The following RNF175 variants were observed in gnomAD, a reference collection of about 807,000 sequenced individuals.
RNF175 encodes ring finger protein 175.
Under a neutral mutation model 50.0 loss-of-function variants are expected in RNF175, and 38 were observed. The observed-to-expected ratio is 0.76, with a 90% CI of 0.59 to 1.00. RNF175 has a LOEUF of 1.00. Among genes scored for constraint, RNF175 ranks in the 50% least tolerant of loss-of-function variants. RNF175 has a pLI of 0.00. For synonymous variants in RNF175, 155 were observed against 146.1 expected (o/e 1.06, Z -0.44); for missense variants, 388 against 409.6 (o/e 0.95, Z 0.46).
chr4:153,755,383 C>T (rs1459485889), intron 1 of RNF175, among the ~76,000 whole-genome samples: 3 of 152,212 alleles, frequency 2.0e-5, no homozygotes, highest in Non-Finnish European at 4.4e-5. Flanking sequence ...TGTCTCACCT[C>T]AGACACAAGT....
At chr4:153,758,851 C>T (rs1286800577) in intron 1 of RNF175, among the ~76,000 whole-genome samples, 1 of 152,040 alleles carries the variant, frequency 6.6e-6, no homozygotes, top group Non-Finnish European at 1.5e-5. Context: ...GAGGTCAGAT[C>T]CTGTCCATTC....
intron 6 of RNF175, among the ~76,000 whole-genome samples, chr4:153,718,019 T>G (rs193005391): frequency 6.6e-6 from 1 of 152,206 alleles, no homozygotes; most frequent in Admixed American, 6.5e-5. Context: ...TCAACCACGC[T>G]CCTTCCCTAA....
chr4:153,712,093 C>A (rs930557013), intron 8 of RNF175, among the ~76,000 whole-genome samples: 1 of 152,146 alleles, frequency 6.6e-6, no homozygotes, highest in East Asian at 1.9e-4. Context: ...TTTAAAATTT[C>A]AATTCCAATT....
rs1272804247 is a variant in RNF175, at chr4:153,718,230, G to GTTTTT, written c.630+1953_630+1954insAAAAA. 4.7e-3 allele frequency among the ~76,000 whole-genome samples: 148 copies of GTTTTT among 31,816 alleles called. 2 individuals carry two copies. Among genetic ancestry groups the GTTTTT allele is most frequent in the East Asian group, 0.038 (24 of 634 alleles). 20.9% of individuals were successfully genotyped at this position (31,816 alleles called of 152,430 possible). Reference sequence around the variant, plus strand: ...AGGAGTTTTTTTTGTTTGTTTGTTTGTTTGTTTGTTTTTTTTTTTTTTGAA... The same window carrying GTTTTT: ...AGGAGTTTTTTTTGTTTGTTTGTTTGTTTTTTTTGTTTGTTTTTTTTTTTTTTGAA... On this transcript the variant is annotated intron_variant, in intron 6 of 8. Coordinates refer to ENST00000347063, the MANE Select transcript of RNF175 (RefSeq NM_173662.4).
rs767216377 is a variant in RNF175 at position 153,715,627 on chromosome 4, T to C, written c.666A>G (p.Leu222=). 4.3e-6 allele frequency: 7 copies of C among 1,613,860 alleles called. No individual in the cohort carries two copies. Among genetic ancestry groups the C allele is most frequent in the African/African-American group, 1.3e-5 (1 of 74,926 alleles). The part of the protein sequence containing the change: ...YSVSRLPTRS[L]SDNICAVCGQ... ...CACAGACTGCACAGATATTGTCCGA[T>C]AAGCTCCTTGTAGGCAACCGGCTGA... The change falls in exon 7 of 9, where the codon TTA becomes TTG. Residue 222 remains leucine, a synonymous_variant. Coordinates refer to ENST00000347063, the MANE Select transcript of RNF175 (RefSeq NM_173662.4).
chr4:153,740,352 GA>G (rs1426970172), intron 3 of RNF175, among the ~76,000 whole-genome samples: 4 of 151,956 alleles, frequency 2.6e-5, no homozygotes, highest in Admixed American at 6.6e-5. Flanking sequence ...ATATATTTAT[GA>G]AGTACAATGT....
chr4:153,759,754 C>G (rs544291917), intron 1 of RNF175, 43 bp downstream of exon 1: 2 of 1,351,258 alleles, frequency 1.5e-6, no homozygotes, highest in Non-Finnish European at 2.0e-6. Context: ...AGCCCCGGGA[C>G]CCCGGCCTGG....
At chr4:153,753,363 CA>C (rs753630903) in intron 1 of RNF175, among the ~76,000 whole-genome samples, 1 of 152,160 alleles carries the variant, frequency 6.6e-6, no homozygotes, top group Non-Finnish European at 1.5e-5. Context: ...GGCCAAGAGG[CA>C]CCAGGCATGT....
At chr4:153,729,771 A>G (rs1738926337) in intron 3 of RNF175, 1 of 984,980 alleles carries the variant, frequency 1.0e-6, no homozygotes, top group Admixed American at 6.2e-5. Context: ...GTTATCATAG[A>G]TATGCACTTA....
intron 5 of RNF175, among the ~76,000 whole-genome samples, chr4:153,722,585 A>C (rs1243687915): frequency 1.3e-5 from 2 of 152,136 alleles, no homozygotes; most frequent in African/African-American, 4.8e-5. Context: ...GATTACAGGC[A>C]TGAGCCACGG....
chr4:153,750,513 A>G (rs1740230436), intron 2 of RNF175, among the ~76,000 whole-genome samples: 1 of 152,244 alleles, frequency 6.6e-6, no homozygotes, highest in Non-Finnish European at 1.5e-5. Flanking sequence ...GGAAGTTACC[A>G]TAGATGGAAT....
chr4:153,734,683 T>TTTTTTTTTTTTTG (rs1739249383), intron 3 of RNF175, among the ~76,000 whole-genome samples: 1 of 137,218 alleles, frequency 7.3e-6, no homozygotes, highest in Non-Finnish European at 1.5e-5. Flanking sequence ...TTTTTTTTTT[T>TTTTTTTTTTTTTG]TTTTTTTTTT....
chr4:153,741,649 T>C (rs901394389), intron 3 of RNF175, among the ~76,000 whole-genome samples: 1 of 152,222 alleles, frequency 6.6e-6, no homozygotes, highest in African/African-American at 2.4e-5. Context: ...TGATAATCAG[T>C]TTGGTCCGTT....
intron 1 of RNF175, among the ~76,000 whole-genome samples, chr4:153,755,999 C>T (rs1740544177): frequency 6.6e-6 from 1 of 152,178 alleles, no homozygotes. Context: ...AAAGAGACAT[C>T]TGTAATAAAA....
At chr4:153,726,291 G>A (rs1738695137) in intron 4 of RNF175, among the ~76,000 whole-genome samples, 1 of 152,070 alleles carries the variant, frequency 6.6e-6, no homozygotes, top group South Asian at 2.1e-4. Flanking sequence ...TTTTAGTTGA[G>A]ACAGGACTTC....
intron 3 of RNF175, among the ~76,000 whole-genome samples, chr4:153,731,296 T>C (rs543482209): frequency 1.3e-5 from 2 of 152,208 alleles, no homozygotes; most frequent in East Asian, 1.9e-4. Flanking sequence ...AATAAACACA[T>C]GAAATATATG....
At chr4:153,754,951 T>C (rs1166509348) in intron 1 of RNF175, among the ~76,000 whole-genome samples, 1 of 152,212 alleles carries the variant, frequency 6.6e-6, no homozygotes, top group African/African-American at 2.4e-5. Flanking sequence ...TTTTTGTTGT[T>C]ATGGAGGACC....
At chr4:153,713,488 A>G (rs1480728491) in intron 7 of RNF175, 1 of 152,228 alleles carries the variant, frequency 6.6e-6, no homozygotes, top group Admixed American at 6.5e-5. Context: ...ATGAACTATA[A>G]TGAAATCCAT....
intron 8 of RNF175, among the ~76,000 whole-genome samples, chr4:153,711,482 A>T (rs1737573876): frequency 6.6e-6 from 1 of 152,212 alleles, no homozygotes; most frequent in African/African-American, 2.4e-5. Flanking sequence ...GTGCCCAGAG[A>T]TGAGGGCATT....
Sources: gnomAD v4.1 joint callset for allele counts (sites outside exome capture counted in the v4.1 genomes callset) on GRCh38, gnomAD v4.1.1 for gene constraint, MANE v1.5 for transcripts, NCBI Gene and HGNC (gene_info 2026-07-23, HGNC 2026-07-21) for gene names.